The following YY1AP1 variants were observed in gnomAD, a reference collection of about 807,000 sequenced individuals.
The protein encoded by YY1AP1 is YY1 associated protein 1.
In YY1AP1, 43 loss-of-function variants were observed where a neutral mutation model predicts 39.9. That is an observed-to-expected ratio of 1.08 (90% confidence interval 0.84 to 1.39). YY1AP1 has a LOEUF of 1.39. Among genes scored for constraint, YY1AP1 ranks in the 40% most tolerant of loss-of-function variants. YY1AP1 has a pLI of 0.00. For missense variants in YY1AP1, 813 were observed against 900.7 expected (o/e 0.90, Z 1.25); for synonymous variants, 292 against 331.3 (o/e 0.88, Z 1.29).
chr1:155,679,487 T>G lies in YY1AP1; in HGVS notation c.47A>C (p.Asn16Thr). ...ETFQDEMGFS[N>T]MEDDGPEEEE... ...CTCTTCTGGGCCATCATCTTCCATG[T>G]TGGAGAATCCCATCTCATCTTGGAA... is the stretch of plus-strand genomic sequence containing the variant. Residue 16 changes from asparagine (N) to threonine (T), a missense_variant, in exon 4 of 11, where the codon AAC (asparagine) becomes ACC (threonine). Physicochemically the swap from Asn to Thr is moderately conservative, Grantham distance 65. This residue lies in a region of YY1AP1 where 196 missense variants were observed against 189.7 expected (regional missense o/e 1.03). Coordinates refer to ENST00000355499, the MANE Select transcript of YY1AP1 (RefSeq NM_139119.3). The G allele has an allele frequency of 6.2e-7, 1 of 1,614,226 alleles. No homozygotes were observed. The highest frequency in any genetic ancestry group is 1.1e-5 in the South Asian group (1 of 91,084).
rs1343153487 is a variant in YY1AP1 at position 155,659,732 on chromosome 1, A to G, written c.2178T>C (p.Ser726=). The G allele has an allele frequency of 6.2e-7, 1 of 1,614,110 alleles. No individual in the cohort carries two copies. The highest frequency in any genetic ancestry group is 8.5e-7 in the Non-Finnish European group (1 of 1,179,958). The part of the protein sequence containing the change: ...PQGIQESLNN[S]SPGDLEEVVK... ...CAACTTCCTCTAAATCCCCAGGGGA[A>G]GAGTTGTTTAGAGACTCCTGGATGC... The change falls in exon 11 of 11, where the codon TCT becomes TCC. Residue 726 remains serine (S), a synonymous_variant. Transcript: ENST00000355499.
At chr1:155,674,932 G>A in intron 6 of YY1AP1, 78 bp downstream of exon 6, 1 of 1,309,922 alleles carries the variant, frequency 7.6e-7, no homozygotes. Context: ...AAATACCTGA[G>A]AGAATAACTG....
chr1:155,665,677 C>G (rs895395701), intron 9 of YY1AP1, among the ~76,000 whole-genome samples: 1 of 149,128 alleles, frequency 6.7e-6, no homozygotes, highest in Admixed American at 6.8e-5. Context: ...CTCTGGGAGG[C>G]TGAGGTGGGT....
chr1:155,670,183 T>C (rs1649640073), intron 8 of YY1AP1, 137 bp downstream of exon 8: 1 of 1,167,340 alleles, frequency 8.6e-7, no homozygotes. Context: ...ACAAGCACGT[T>C]CTAGAGGACT....
Position 155,676,640 on chromosome 1 carries a change from C to T in YY1AP1, c.232G>A (p.Val78Ile), listed in dbSNP as rs371632691. ...TTACACTGGGGTTTAACCTTCTCTA[C>T]CTCCTTCTGCTGTTTGGCTGAAGGT... ...KKPSAKQQKEVEKVKPQCKEV... is the reference protein window; with the variant it reads ...KKPSAKQQKEIEKVKPQCKEV... The change falls in exon 5 of 11, where the codon GTA becomes ATA. Residue 78 changes from valine (V) to isoleucine (I), a missense_variant. Coordinates refer to ENST00000355499, the MANE Select transcript of YY1AP1 (RefSeq NM_139119.3). The T allele has an allele frequency of 1.2e-6, 2 of 1,614,192 alleles. No individual in the cohort carries two copies. Among genetic ancestry groups the T allele is most frequent in the Non-Finnish European group, 1.7e-6 (2 of 1,180,038 alleles).
At position 155,679,717 on chromosome 1, in the gene YY1AP1, C is replaced by T. The variant is rs544732509; in HGVS notation, c.22-205G>A. The T allele has an allele frequency of 2.6e-5, 26 of 985,228 alleles. No individual in the cohort carries two copies. In the South Asian group the frequency reaches 1.1e-3, roughly 43 times the overall value. 61.0% of individuals were successfully genotyped at this position (985,228 alleles called of 1,614,324 possible). On this transcript the variant is annotated intron_variant, in intron 3 of 10. Coordinates refer to ENST00000355499, the MANE Select transcript of YY1AP1 (RefSeq NM_139119.3). ...TTATGCCAGGAAAGAAGTTGCTCAACCAGTCAACTTGTATCAGTAAGCACA... is the reference window on the plus strand; with the variant it reads ...TTATGCCAGGAAAGAAGTTGCTCAATCAGTCAACTTGTATCAGTAAGCACA...
intron 9 of YY1AP1, among the ~76,000 whole-genome samples, chr1:155,668,324 C>T (rs1649351059): frequency 6.6e-6 from 1 of 151,922 alleles, no homozygotes; most frequent in African/African-American, 2.4e-5. Context: ...AAAAACAAAA[C>T]AAAACAAAAA....
intron 8 of YY1AP1, among the ~76,000 whole-genome samples, chr1:155,669,029 C>T (rs541210811): frequency 5.4e-4 from 82 of 151,934 alleles, no homozygotes; most frequent in Non-Finnish European, 9.4e-4. Context: ...GGCGTGTGGC[C>T]CAATCTACTT....
chr1:155,669,980 G>A (rs550199633), intron 8 of YY1AP1, among the ~76,000 whole-genome samples: 9 of 152,158 alleles, frequency 5.9e-5, no homozygotes, highest in Non-Finnish European at 1.3e-4. Context: ...AGCTGTGATT[G>A]CAACACTGTA....
chr1:155,662,420 G>C (rs1023208483), intron 9 of YY1AP1, among the ~76,000 whole-genome samples: 1 of 151,824 alleles, frequency 6.6e-6, no homozygotes, highest in Non-Finnish European at 1.5e-5. Flanking sequence ...GAACCTGGCA[G>C]TGGGGGTGGT....
At chr1:155,679,243 A>G (rs1651165270) in intron 4 of YY1AP1, 166 bp downstream of exon 4, 1 of 1,533,916 alleles carries the variant, frequency 6.5e-7, no homozygotes, top group South Asian at 1.2e-5. Flanking sequence ...ACTGCCCCAT[A>G]ACAAGGAGAC....
intron 5 of YY1AP1, 106 bp downstream of exon 5, chr1:155,676,442 G>A: frequency 1.5e-6 from 2 of 1,351,020 alleles, no homozygotes; most frequent in Non-Finnish European, 2.1e-6. Context: ...ACGTAGTAAG[G>A]TAACTATCTC....
At chr1:155,679,767 A>G (rs1454853592) in intron 3 of YY1AP1, 2 of 984,112 alleles carry the variant, frequency 2.0e-6, no homozygotes, top group African/African-American at 1.7e-5. Flanking sequence ...CAAAATGATC[A>G]ATTTCTTAAA....
chr1:155,660,154 G>A lies in YY1AP1; in HGVS notation c.1756C>T (p.Gln586Ter), dbSNP rs371156335. The A allele has an allele frequency of 6.2e-7, 1 of 1,614,186 alleles. No individual in the cohort carries two copies. The highest frequency in any genetic ancestry group is 8.5e-7 in the Non-Finnish European group (1 of 1,180,014). The change falls in exon 11 of 11, where the codon CAG becomes TAG. Residue 586 changes from glutamine (Q) to a stop codon, truncating the protein, a stop_gained. Coordinates refer to ENST00000355499, the MANE Select transcript of YY1AP1 (RefSeq NM_139119.3). LOFTEE classifies it low-confidence loss of function (END_TRUNC). ...AAGAGGGTGGCGATGGGAATAGTCT[G>A]GGGACTCTGGGCCACAGCCGCATTG... ...PVNAAVAQSP[Q>*]TIPIATLLVN...
At chr1:155,678,090 G>A (rs2149060595) in intron 4 of YY1AP1, among the ~76,000 whole-genome samples, 1 of 152,286 alleles carries the variant, frequency 6.6e-6, no homozygotes, top group Non-Finnish European at 1.5e-5. Context: ...ATAGTCAGAG[G>A]TGGCTCCATA....
intron 5 of YY1AP1, among the ~76,000 whole-genome samples, chr1:155,675,574 T>C (rs1250903977): frequency 6.6e-6 from 1 of 152,196 alleles, no homozygotes; most frequent in African/African-American, 2.4e-5. Context: ...TTCACCCGCC[T>C]TGGCCTCCCA....
At chr1:155,673,200 G>T (rs1650109642) in intron 6 of YY1AP1, among the ~76,000 whole-genome samples, 1 of 152,012 alleles carries the variant, frequency 6.6e-6, no homozygotes, top group Admixed American at 6.6e-5. Flanking sequence ...ATTTTTTGCA[G>T]AGACAGCGTT....
rs1647863564 is a variant in YY1AP1, at chr1:155,660,338, T to C, written c.1572A>G (p.Pro524=). The C allele has an allele frequency of 3.1e-6, 5 of 1,614,110 alleles. No homozygotes were observed. Among genetic ancestry groups the C allele is most frequent in the Non-Finnish European group, 3.4e-6 (4 of 1,180,024 alleles). ...PSPASSMFRK[P]YVRRRPSKRR... The stretch of plus-strand genomic sequence containing the variant: ...TTTTTGAGGGTCTCCGTCTCACATA[T>C]GGCTTTCGAAACATGGAAGAGGCAG... The change falls in exon 11 of 11, where the codon CCA becomes CCG. Residue 524 remains proline, a synonymous_variant. Coordinates refer to ENST00000355499, the MANE Select transcript of YY1AP1 (RefSeq NM_139119.3).
At chr1:155,688,867 G>A (rs1033998477), upstream of YY1AP1, 28 of 1,606,582 alleles carry the variant, frequency 1.7e-5, no homozygotes, top group Non-Finnish European at 2.3e-5. Context: ...CCGGCAAAGC[G>A]AGTCTGGCTT....
Sources: gnomAD v4.1 joint callset for allele counts (sites outside exome capture counted in the v4.1 genomes callset) on GRCh38, gnomAD v4.1.1 for gene constraint, gnomAD v4.1.1 regional missense constraint, MANE v1.5 for transcripts, NCBI Gene and HGNC (gene_info 2026-07-23, HGNC 2026-07-21) for gene names.